SUN1: variants seen among roughly 807,000 people sequenced by gnomAD.
SUN1 encodes SUN domain-containing protein 1.
A neutral mutation model predicts 103.2 loss-of-function variants in SUN1; 61 were observed. The ratio of observed to expected loss-of-function variants is 0.59; its 90% CI spans 0.48 to 0.73. SUN1 has a LOEUF of 0.73. Among genes scored for constraint, SUN1 ranks in the 30% least tolerant of loss-of-function variants. The pLI is 0.00. For missense variants in SUN1, 1,052 were observed against 1,034.6 expected (o/e 1.02, Z -0.23); for synonymous variants, 490 against 425.7 (o/e 1.15, Z -1.86).
At chr7:869,295 A>G in intron 16 of SUN1, 54 bp from the exon 17 acceptor site, 1 of 1,560,658 alleles carries the variant, frequency 6.4e-7, no homozygotes, top group East Asian at 2.3e-5. Context: ...TCCTGCTGCT[A>G]AGTGGGTAAG....
chr7:832,494 G>T lies in SUN1; in HGVS notation c.-31G>T. ...TTAAAACACTCTGCATTTCTTTCCC[G>T]CCCTCTGCAGTATGGTTTGAAGTGG... On this transcript the variant is annotated 5_prime_UTR_variant, in exon 1 of 19. Transcript: ENST00000401592. 2 of 1,604,022 alleles carry T rather than the reference G, an allele frequency of 1.2e-6. No homozygotes were observed. Among genetic ancestry groups the T allele is most frequent in the Non-Finnish European group, 1.7e-6 (2 of 1,174,372 alleles).
upstream of SUN1, among the ~76,000 whole-genome samples, chr7:829,870 A>G (rs1391954259): frequency 6.6e-6 from 1 of 152,102 alleles, no homozygotes; most frequent in Non-Finnish European, 1.5e-5. Flanking sequence ...GTTCTTTTTT[A>G]AAATTTAAAA....
intron 15 of SUN1, among the ~76,000 whole-genome samples, chr7:865,440 T>TA (rs1835693980): frequency 6.6e-6 from 1 of 152,196 alleles, no homozygotes; most frequent in Admixed American, 6.5e-5. Context: ...GGCTGAATAG[T>TA]ACTCCATTGT....
upstream of SUN1, among the ~76,000 whole-genome samples, chr7:828,260 GTTTTTTGT>G (rs1562515191): frequency 4.6e-5 from 6 of 130,358 alleles, no homozygotes; most frequent in South Asian, 2.3e-4. Flanking sequence ...TTTTGTTTTT[GTTTTTTGT>G]TTTTGTTTTG....
chr7:817,615 G>T, intron 1 of SUN1: 1 of 1,270,994 alleles, frequency 7.9e-7, no homozygotes, highest in Non-Finnish European at 1.1e-6. Flanking sequence ...TTCAGTCATA[G>T]TATTGCCCAT....
intron 5 of SUN1, chr7:849,729 G>T: frequency 8.6e-7 from 1 of 1,167,816 alleles, no homozygotes; most frequent in Non-Finnish European, 1.3e-6. Flanking sequence ...GATGACGACG[G>T]GCTGTTGGAG....
intron 12 of SUN1, 140 bp from the exon 13 acceptor site, chr7:857,688 A>G: frequency 9.0e-7 from 1 of 1,112,382 alleles, no homozygotes; most frequent in African/African-American, 1.6e-5. Flanking sequence ...TCCAGTTTCC[A>G]CGTTAGTGTG....
At chr7:836,613 C>A (rs900173459) in intron 1 of SUN1, among the ~76,000 whole-genome samples, 1 of 152,234 alleles carries the variant, frequency 6.6e-6, no homozygotes. Context: ...GGCTGTCCAG[C>A]AGGAGGAGCT....
chr7:843,600 G>T, intron 5 of SUN1, 80 bp downstream of exon 5: 1 of 1,611,892 alleles, frequency 6.2e-7, no homozygotes, highest in South Asian at 1.1e-5. Flanking sequence ...CTCAGTGTCT[G>T]CACTATTTGT....
At chr7:843,143 T>C (rs922424522) in intron 3 of SUN1, 63 bp from the exon 4 acceptor site, 42 of 1,595,856 alleles carry the variant, frequency 2.6e-5, no homozygotes, top group Non-Finnish European at 3.5e-5. Flanking sequence ...ATGGGTTTTG[T>C]TCTTATTTGA....
chr7:868,208 C>T (rs527986762), intron 16 of SUN1, among the ~76,000 whole-genome samples: 5 of 152,372 alleles, frequency 3.3e-5, no homozygotes, highest in African/African-American at 1.2e-4. Flanking sequence ...ACGGTCTCCT[C>T]CTCCGTTGCG....
chr7:869,875 C>G (rs966957526), intron 17 of SUN1, among the ~76,000 whole-genome samples: 1 of 152,066 alleles, frequency 6.6e-6, no homozygotes. Context: ...AGAAACCCAC[C>G]ATTCATACTG....
intron 6 of SUN1, 78 bp from the exon 7 acceptor site, chr7:851,872 C>A: frequency 6.8e-7 from 1 of 1,475,854 alleles, no homozygotes; most frequent in Non-Finnish European, 9.4e-7. Flanking sequence ...CTAGCTTGGC[C>A]TTCACAGAAA....
Position 851,436 on chromosome 7 carries a change from G to A in SUN1, c.711G>A (p.Val237=), listed in dbSNP as rs1408329964. 2 of 1,610,676 alleles carry A rather than the reference G, an allele frequency of 1.2e-6. No individual in the cohort carries two copies. Among genetic ancestry groups the A allele is most frequent in the Non-Finnish European group, 1.7e-6 (2 of 1,178,600 alleles). The change falls in exon 6 of 19, where the codon GTG becomes GTA. Residue 237 remains valine, a synonymous_variant. Transcript: ENST00000401592. Reference sequence around the variant, plus strand: ...GGATCGGAGCTGTGGGCCAGGCTGTGTCCAGGACGGCGTGGTCGGCCCTTT... The same window carrying A: ...GGATCGGAGCTGTGGGCCAGGCTGTATCCAGGACGGCGTGGTCGGCCCTTT... ...LRRIGAVGQA[V]SRTAWSALWL...
chr7:843,150 T>C (rs1158118699), intron 3 of SUN1, 56 bp from the exon 4 acceptor site: 3 of 1,597,562 alleles, frequency 1.9e-6, no homozygotes, highest in Non-Finnish European at 2.5e-6. Flanking sequence ...TTGTTCTTAT[T>C]TGATAAGCTG....
chr7:825,158 A>ACGCCATTCTCCTGCCT (rs1181082749), intron 1 of SUN1, among the ~76,000 whole-genome samples: 1 of 151,706 alleles, frequency 6.6e-6, no homozygotes, highest in African/African-American at 2.4e-5. Context: ...TCCCGGGTTC[A>ACGCCATTCTCCTGCCT]CGCCATTCTC....
intron 1 of SUN1, among the ~76,000 whole-genome samples, chr7:836,770 G>A (rs919875417): frequency 1.3e-5 from 2 of 152,216 alleles, no homozygotes; most frequent in African/African-American, 2.4e-5. Flanking sequence ...AAATATCTGA[G>A]CGCCCAAGGC....
intron 12 of SUN1, 43 bp from the exon 13 acceptor site, chr7:857,785 C>T (rs1373613165): frequency 7.2e-6 from 11 of 1,526,180 alleles, no homozygotes; most frequent in East Asian, 2.3e-5. Flanking sequence ...AGCGTATAGG[C>T]TGGGAGGCTT....
At chr7:817,396 C>T in intron 1 of SUN1, 1 of 1,534,752 alleles carries the variant, frequency 6.5e-7, no homozygotes, top group Non-Finnish European at 8.7e-7. Context: ...TTCAAAGTGC[C>T]CAGAATGGTG....
Sources: allele counts gnomAD v4.1 joint callset (sites outside exome capture counted in the v4.1 genomes callset), GRCh38; gene constraint gnomAD v4.1.1; transcripts MANE v1.5; gene names NCBI Gene and HGNC (gene_info 2026-07-23, HGNC 2026-07-21).